The following SMO variants were observed in gnomAD, a reference collection of about 807,000 sequenced individuals.
SMO encodes smoothened, frizzled class receptor.
In SMO, 40 loss-of-function variants were observed where a neutral mutation model predicts 81.6. The ratio of observed to expected loss-of-function variants is 0.49; its 90% CI spans 0.38 to 0.64. The LOEUF (loss-of-function observed/expected upper bound fraction) is 0.64. SMO is among the 30% of genes least tolerant of loss of function. SMO has a pLI of 0.00. For synonymous variants in SMO, 434 were observed against 432.1 expected (o/e 1.00, Z -0.05); for missense variants, 916 against 1,061.1 (o/e 0.86, Z 1.90).
Position 129,209,291 on chromosome 7 carries a change from A to AT in SMO, c.1365dup (p.Gly456TrpfsTer24). ...TGTCCTGCCCCTGTCCTCCACAGGCATTTTTGGCTTCCTGGCCTTTGGCTT... is the reference window on the plus strand; with the variant it reads ...TGTCCTGCCCCTGTCCTCCACAGGCATTTTTTGGCTTCCTGGCCTTTGGCTT... On this transcript the variant is annotated frameshift_variant, in exon 8 of 12. Coordinates refer to ENST00000249373, the MANE Select transcript of SMO (RefSeq NM_005631.5). LOFTEE classifies it high-confidence loss of function. The AT allele has an allele frequency of 6.2e-7, 1 of 1,607,672 alleles. No homozygotes were observed. The highest frequency in any genetic ancestry group is 8.5e-7 in the Non-Finnish European group (1 of 1,174,204).
chr7:129,198,030 CCTT>C (rs1203347100), intron 1 of SMO, among the ~76,000 whole-genome samples: 2 of 152,152 alleles, frequency 1.3e-5, no homozygotes, highest in Non-Finnish European at 2.9e-5. Flanking sequence ...AGTTTCATAT[CCTT>C]CTTTTCTCTT....
rs35095518 is a variant in SMO at position 129,208,009 on chromosome 7, CATT to C, written c.1265-748_1265-746del. 0.037 allele frequency among the ~76,000 whole-genome samples: 5,683 copies of C among 151,918 alleles called. 127 individuals are homozygous for C. The highest frequency in any genetic ancestry group is 0.066 in the Admixed American group (1,000 of 15,242). On this transcript the variant is annotated intron_variant, in intron 6 of 11. Coordinates refer to ENST00000249373, the MANE Select transcript of SMO (RefSeq NM_005631.5). This position sits in a 1 kb window ranked among gnomAD's most constrained non-coding sequence, Gnocchi z 5.2. ...AGTGGGAAAAAAATGTAAAATATCT[CATT>C]AATAATTTGTTACATGGATTACATG...
At chr7:129,209,638 GC>G (rs1793833210) in intron 8 of SMO, 1 of 496,718 alleles carries the variant, frequency 2.0e-6, no homozygotes, top group African/African-American at 1.9e-5. Context: ...CCCAGCTGGT[GC>G]ATGTGTGACT....
At chr7:129,202,242 A>G (rs922492757) in intron 1 of SMO, among the ~76,000 whole-genome samples, 1 of 152,182 alleles carries the variant, frequency 6.6e-6, no homozygotes, top group East Asian at 1.9e-4. Flanking sequence ...AGATGAGGCA[A>G]CTGAGGCTAA....
chr7:129,205,927 AG>A (rs1350214210), intron 4 of SMO, 145 bp downstream of exon 4: 1 of 771,188 alleles, frequency 1.3e-6, no homozygotes, highest in Non-Finnish European at 2.1e-6. Context: ...CAAGATCTCC[AG>A]TGTTAGGATC....
rs1793442217 is a variant in SMO at position 129,189,157 on chromosome 7, C to A, written c.6C>A (p.Ala2=). The A allele has an allele frequency of 1.7e-6, 2 of 1,187,164 alleles. No homozygotes were observed. The highest frequency in any genetic ancestry group is 8.4e-5 in the South Asian group (2 of 23,804). The allele number at this position is 1,187,164 out of a possible 1,614,324, so 73.5% of individuals were successfully genotyped here. Residue 2 remains alanine (A), a synonymous_variant, in exon 1 of 12, where the codon GCC becomes GCA. Transcript: ENST00000249373. This position sits in a 1 kb window ranked among gnomAD's most constrained non-coding sequence, Gnocchi z 4.7. M[A]AARPARGPEL... ...CTGAGTTGGCGGGGTTGGCCATGGC[C>A]GCTGCCCGCCCAGCGCGGGGGCCGG...
chr7:129,206,628 A>G lies in SMO; in HGVS notation c.1264+41A>G, dbSNP rs2735842. On this transcript the variant is annotated intron_variant, in intron 6 of 11. Coordinates refer to ENST00000249373, the MANE Select transcript of SMO (RefSeq NM_005631.5). The surrounding 1 kb of genome is among the most constrained non-coding windows in gnomAD (Gnocchi z 4.4). ...GCCAGGACCAGTTGGGCAACAAAAT[A>G]TACTGGGCACTTGCTGCCAGTACTG... 1,319,973 of 1,607,472 alleles carry G rather than the reference A, an allele frequency of 0.82. 543,896 individuals are homozygous for G. Among genetic ancestry groups the G allele is most frequent in the Middle Eastern group, 0.88 (5,284 of 6,006 alleles).
Position 129,213,477 on chromosome 7 carries a change from C to A in SMO, c.*1026C>A. On this transcript the variant is annotated 3_prime_UTR_variant, in exon 12 of 12. Coordinates refer to ENST00000249373, the MANE Select transcript of SMO (RefSeq NM_005631.5). ...CTTTCAAGAATCAGACAGCAGGAAGCCATAGATGCTGGCTGGGTTCCAGGT... is the reference window on the plus strand; with the variant it reads ...CTTTCAAGAATCAGACAGCAGGAAGACATAGATGCTGGCTGGGTTCCAGGT... 4.3e-6 allele frequency: 1 copy of A among 232,788 alleles called. No individual in the cohort carries two copies. Among genetic ancestry groups the A allele is most frequent in the Non-Finnish European group, 8.5e-6 (1 of 117,558 alleles). 14.4% of individuals were successfully genotyped at this position (232,788 alleles called of 1,614,324 possible).
At position 129,212,117 on chromosome 7, in the gene SMO, A is replaced by G. The variant is rs1793882173; in HGVS notation, c.2030A>G (p.Lys677Arg). 6.4e-7 allele frequency: 1 copy of G among 1,569,752 alleles called. No individual in the cohort carries two copies. Among genetic ancestry groups the G allele is most frequent in the Non-Finnish European group, 8.6e-7 (1 of 1,158,618 alleles). Reference sequence around the variant, plus strand: ...CTGGGCCGGAAGAAGAAGAGGAGGAAGAGGAAGAAGGAGGTGTGCCCGCTG... The same window carrying G: ...CTGGGCCGGAAGAAGAAGAGGAGGAGGAGGAAGAAGGAGGTGTGCCCGCTG... ...KRLGRKKKRR[K>R]RKKEVCPLAP... Residue 677 changes from lysine to arginine, a missense_variant, in exon 12 of 12, where the codon AAG becomes AGG. Transcript: ENST00000249373. The surrounding 1 kb of genome is among the most constrained non-coding windows in gnomAD (Gnocchi z 5.0).
At chr7:129,195,854 C>T (rs1049557241) in intron 1 of SMO, among the ~76,000 whole-genome samples, 2 of 152,054 alleles carry the variant, frequency 1.3e-5, no homozygotes, top group African/African-American at 4.8e-5. Context: ...GTAATCCCAG[C>T]ACTTTGGGAG....
At chr7:129,196,580 C>T (rs937149190) in intron 1 of SMO, among the ~76,000 whole-genome samples, 1 of 151,952 alleles carries the variant, frequency 6.6e-6, no homozygotes, top group African/African-American at 2.4e-5. Flanking sequence ...TTATATATTT[C>T]TATTTAGATC....
intron 2 of SMO, 48 bp downstream of exon 2, chr7:129,203,637 C>G (rs369773238): frequency 6.8e-7 from 1 of 1,478,868 alleles, no homozygotes; most frequent in Admixed American, 1.9e-5. Flanking sequence ...TTGGGCAGGA[C>G]CGGGTATAGG....
At position 129,203,527 on chromosome 7, in the gene SMO, A is replaced by AG; in HGVS notation, c.478dup (p.Glu160GlyfsTer6). Reference sequence around the variant, plus strand: ...CCGAGGCCCCTGTGCCATCGTGGAGAGGGAGCGGGGCTGGCCTGACTTCCT... The same window carrying AG: ...CCGAGGCCCCTGTGCCATCGTGGAGAGGGGAGCGGGGCTGGCCTGACTTCCT... On this transcript the variant is annotated frameshift_variant, in exon 2 of 12. Coordinates refer to ENST00000249373, the MANE Select transcript of SMO (RefSeq NM_005631.5). LOFTEE classifies it high-confidence loss of function. 1 of 1,607,466 alleles carries AG rather than the reference A, an allele frequency of 6.2e-7. No homozygotes were observed. The highest frequency in any genetic ancestry group is 8.5e-7 in the Non-Finnish European group (1 of 1,179,632).
intron 2 of SMO, among the ~76,000 whole-genome samples, chr7:129,204,624 C>T (rs970985936): frequency 3.9e-4 from 60 of 152,122 alleles, no homozygotes; most frequent in African/African-American, 1.1e-3. Flanking sequence ...GCAGCCTGGG[C>T]GACAGAGCCA....
At position 129,211,915 on chromosome 7, in the gene SMO, A is replaced by G. The variant is rs757255950; in HGVS notation, c.1937-109A>G. 3.5e-6 allele frequency: 5 copies of G among 1,412,140 alleles called. No homozygotes were observed. Among genetic ancestry groups the G allele is most frequent in the Admixed American group, 2.1e-5 (1 of 48,330 alleles). 87.5% of individuals were successfully genotyped at this position (1,412,140 alleles called of 1,614,324 possible). ...TGAAGAGTGGGGCTGAGGCTCTAAG[A>G]GTCTAGAGACCTGGGCCCCAGAACT... On this transcript the variant is annotated intron_variant, in intron 11 of 11. Coordinates refer to ENST00000249373, the MANE Select transcript of SMO (RefSeq NM_005631.5). The surrounding 1 kb of genome is among the most constrained non-coding windows in gnomAD (Gnocchi z 4.6).
intron 2 of SMO, among the ~76,000 whole-genome samples, 190 bp downstream of exon 2, chr7:129,203,779 T>C (rs1793711639): frequency 6.6e-6 from 1 of 152,218 alleles, no homozygotes; most frequent in African/African-American, 2.4e-5. Flanking sequence ...AGGGATTCTC[T>C]ATTTATTTAT....
rs1186905782 is a variant in SMO, at chr7:129,206,210, T to A, written c.981T>A (p.Ala327=). The change falls in exon 5 of 12, where the codon GCT becomes GCA. Residue 327 remains alanine (A), a synonymous_variant. Transcript: ENST00000249373. This position sits in a 1 kb window ranked among gnomAD's most constrained non-coding sequence, Gnocchi z 4.4. ...TCATCGTGTACTACGCCCTGATGGC[T>A]GGTGTGGTTTGGTTTGTGGTCCTCA... ...IFVIVYYALM[A]GVVWFVVLTY... is the part of the protein sequence containing the mutation. The A allele has an allele frequency of 5.6e-6, 9 of 1,614,058 alleles. No individual in the cohort carries two copies. The highest frequency in any genetic ancestry group is 6.8e-6 in the Non-Finnish European group (8 of 1,179,934).
rs991407087 is a variant in SMO, at chr7:129,189,125, G to T, written c.-27G>T. ...CCGAGGAGCAGGCGGGGGCGCCGGGGCTTTTGCTGAGTTGGCGGGGTTGGC... is the reference window on the plus strand; with the variant it reads ...CCGAGGAGCAGGCGGGGGCGCCGGGTCTTTTGCTGAGTTGGCGGGGTTGGC... On this transcript the variant is annotated 5_prime_UTR_variant, in exon 1 of 12. Transcript: ENST00000249373. The surrounding 1 kb of genome is among the most constrained non-coding windows in gnomAD (Gnocchi z 4.7). 1.7e-5 allele frequency: 20 copies of T among 1,203,260 alleles called. No homozygotes were observed. Among genetic ancestry groups the T allele is most frequent in the Non-Finnish European group, 2.1e-5 (20 of 967,456 alleles). 74.5% of individuals were successfully genotyped at this position (1,203,260 alleles called of 1,614,324 possible). A position where few individuals can be genotyped will look rare whatever the true frequency, so the allele number is the denominator to read the frequency against.
At position 129,205,773 on chromosome 7, in the gene SMO, G is replaced by A. The variant is rs2150649427; in HGVS notation, c.911G>A (p.Gly304Glu). 6.2e-7 allele frequency: 1 copy of A among 1,605,548 alleles called. No homozygotes were observed. The highest frequency in any genetic ancestry group is 8.5e-7 in the Non-Finnish European group (1 of 1,179,262). The change falls in exon 4 of 12, where the codon GGG (glycine) becomes GAG (glutamate). Residue 304 changes from glycine to glutamate, a missense_variant. Around this residue, in one of 4 missense-constraint regions of SMO, gnomAD observed 436 missense variants for 570.9 expected, o/e 0.76. Transcript: ENST00000249373. Reference protein sequence around the residue: ...VCRADGTMRLGEPTSNETLSC... With the variant: ...VCRADGTMRLEEPTSNETLSC... Reference sequence around the variant, plus strand: ...CGTGCAGATGGCACCATGAGGCTTGGGGAGCCCACGTAGGTGTCTTGGGGA... The same window carrying A: ...CGTGCAGATGGCACCATGAGGCTTGAGGAGCCCACGTAGGTGTCTTGGGGA...
Sources: allele counts gnomAD v4.1 joint callset (sites outside exome capture counted in the v4.1 genomes callset), GRCh38; gene constraint gnomAD v4.1.1; regional missense constraint gnomAD v4.1.1; non-coding constraint Gnocchi (gnomAD v3.1); transcripts MANE v1.5; gene names NCBI Gene and HGNC (gene_info 2026-07-23, HGNC 2026-07-21).